WDFY4: variants seen among roughly 807,000 people sequenced by gnomAD.
WDFY4 encodes the protein WD repeat- and FYVE domain-containing protein 4.
WDFY4 carries 169 observed loss-of-function variants against 351.9 expected under a neutral mutation model. The ratio of observed to expected loss-of-function variants is 0.48; its 90% CI spans 0.42 to 0.55. WDFY4 has a LOEUF of 0.55. Ranked by LOEUF, WDFY4 falls within the 20% of genes least tolerant of loss-of-function variation. The probability of loss-of-function intolerance (pLI) is 0.00; values close to 1 mark genes in which losing one functional copy is unlikely to be tolerated. For missense variants in WDFY4, 3,803 were observed against 3,935.6 expected, an observed-to-expected ratio of 0.97 and a Z score of 0.90; for synonymous variants, 1,622 against 1,574.6, an observed-to-expected ratio of 1.03 and a Z score of -0.71.
intron 59 of WDFY4, among the ~76,000 whole-genome samples, chr10:48,977,809 C>T (rs979291311): frequency 2.6e-5 from 4 of 152,240 alleles, no homozygotes; most frequent in Non-Finnish European, 4.4e-5. Context: ...GAGGCTGGTC[C>T]TTGCCCTTTG....
Position 48,776,854 on chromosome 10 carries a change from C to G in WDFY4, c.2968C>G (p.Gln990Glu). 3 of 1,551,774 alleles carry G rather than the reference C, an allele frequency of 1.9e-6. No homozygotes were observed. Among genetic ancestry groups the G allele is most frequent in the Non-Finnish European group, 2.6e-6 (3 of 1,147,012 alleles). ...GGCCCCGCAGCCCTTGGGGGAATCC[C>G]AGGATTCAACTACTGCTCTTCAGAC... ...TQAPQPLGES[Q>E]DSTTALQTAL... Residue 990 changes from glutamine to glutamate, a missense_variant, in exon 16 of 62, where the codon CAG becomes GAG. Physicochemically the swap from Gln to Glu is conservative, Grantham distance 29. Coordinates refer to ENST00000325239, the MANE Select transcript of WDFY4 (RefSeq NM_001394531.1).
At position 48,820,382 on chromosome 10, in the gene WDFY4, T is replaced by G. The variant is rs1485405471; in HGVS notation, c.5654T>G (p.Leu1885Arg). Residue 1885 changes from leucine (L) to arginine (R), a missense_variant, in exon 33 of 62, where the codon CTC becomes CGC. Physicochemically the swap from Leu to Arg is moderately radical, Grantham distance 102 (BLOSUM62 -2). Around this residue, in one of 3 missense-constraint regions of WDFY4, gnomAD observed 3,054 missense variants for 3,148.6 expected, o/e 0.97. Transcript: ENST00000325239. The part of the protein sequence containing the change: ...REFTQLLLRE[L>R]LLGASSPKQW... ...TTCACGCAGCTCCTCTTGAGGGAGC[T>G]CCTGCTTGGAGCCTCCAGCCCCAAG... 1.3e-6 allele frequency: 2 copies of G among 1,551,444 alleles called. No individual in the cohort carries two copies. Among genetic ancestry groups the G allele is most frequent in the Non-Finnish European group, 1.7e-6 (2 of 1,146,982 alleles).
intron 39 of WDFY4, among the ~76,000 whole-genome samples, chr10:48,848,009 T>G (rs766184605): frequency 1.5e-4 from 23 of 152,336 alleles, no homozygotes; most frequent in Non-Finnish European, 2.6e-4. Flanking sequence ...ACTTGACATT[T>G]GTTAAGGATC....
chr10:48,962,625 T>C (rs1841911790), intron 53 of WDFY4, among the ~76,000 whole-genome samples: 1 of 152,220 alleles, frequency 6.6e-6, no homozygotes, highest in Non-Finnish European at 1.5e-5. Flanking sequence ...GCATGAAAGA[T>C]CCAGCATGCT....
chr10:48,977,066 G>A, intron 59 of WDFY4, 87 bp downstream of exon 59: 1 of 1,289,114 alleles, frequency 7.8e-7, no homozygotes, highest in Non-Finnish European at 1.0e-6. Flanking sequence ...GGCCAAACCT[G>A]CAGGTTGCAT....
In WDFY4 at chr10:48,788,624, G is replaced by A. The variant is rs1283389670; in HGVS notation, c.3903G>A (p.Ala1301=). Residue 1301 remains alanine (A), a synonymous_variant, in exon 21 of 62, where the codon GCG becomes GCA. Transcript: ENST00000325239. ...HIASSSITSV[A]DIRNAYNEVD... ...CCAGCTCCTCTATCACCAGTGTAGC[G>A]GACATCAGAAATGCTTACAATGAGG... 15 of 1,551,588 alleles carry A rather than the reference G, an allele frequency of 9.7e-6. No individual in the cohort carries two copies. Among genetic ancestry groups the A allele is most frequent in the East Asian group, 7.3e-5 (3 of 40,942 alleles).
At chr10:48,722,266 T>G (rs952533056) in intron 4 of WDFY4, among the ~76,000 whole-genome samples, 2 of 152,174 alleles carry the variant, frequency 1.3e-5, no homozygotes, top group East Asian at 1.9e-4. Flanking sequence ...CACAGCGACC[T>G]GAAGCACAGC....
In WDFY4 at chr10:48,796,436, C is replaced by A. The variant is rs1262163434; in HGVS notation, c.4396C>A (p.Leu1466Ile). ...CAACACTGGTGTCTTCCAGCACATC[C>A]TCTGCAATTTCGAGGTAAATCAGAG... ...ITNTGVFQHI[L>I]CNFELWMNTA... The change falls in exon 24 of 62, where the codon CTC (leucine) becomes ATC (isoleucine). Residue 1466 changes from leucine to isoleucine, a missense_variant. Leu to Ile is a conservative substitution (Grantham distance 5). This residue lies in a region of WDFY4 where 3,054 missense variants were observed against 3,148.6 expected (regional missense o/e 0.97). Coordinates refer to ENST00000325239, the MANE Select transcript of WDFY4 (RefSeq NM_001394531.1). 6.4e-7 allele frequency: 1 copy of A among 1,551,382 alleles called. No individual in the cohort carries two copies. Among genetic ancestry groups the A allele is most frequent in the Admixed American group, 2.0e-5 (1 of 51,000 alleles).
chr10:48,946,439 T>TC (rs1841047764), intron 50 of WDFY4, among the ~76,000 whole-genome samples: 1 of 152,236 alleles, frequency 6.6e-6, no homozygotes, highest in Admixed American at 6.5e-5. Context: ...AGGTAATGAC[T>TC]CCATGCCTAG....
intron 39 of WDFY4, among the ~76,000 whole-genome samples, chr10:48,842,125 A>G (rs2068627765): frequency 6.6e-6 from 1 of 151,888 alleles, no homozygotes; most frequent in Non-Finnish European, 1.5e-5. Context: ...CAGGCCCCTC[A>G]GTTTTGTGTG....
At chr10:48,967,765 T>C (rs1429711694) in intron 55 of WDFY4, 1 of 152,292 alleles carries the variant, frequency 6.6e-6, no homozygotes. Flanking sequence ...GGACATGCAC[T>C]GCCTTGGGGA....
At chr10:48,824,816 A>G (rs1426474720) in intron 35 of WDFY4, among the ~76,000 whole-genome samples, 1 of 152,004 alleles carries the variant, frequency 6.6e-6, no homozygotes, top group Non-Finnish European at 1.5e-5. Context: ...ATTTTTTTTT[A>G]ACTTTTTGGA....
intron 40 of WDFY4, 134 bp from the exon 41 acceptor site, chr10:48,873,357 G>A: frequency 1.0e-6 from 1 of 990,494 alleles, no homozygotes; most frequent in Non-Finnish European, 1.5e-6. Context: ...TACACATTCT[G>A]AGGGTGTAGA....
In WDFY4 at chr10:48,873,614, G is replaced by A. The variant is rs1423191657; in HGVS notation, c.6865G>A (p.Asp2289Asn). The A allele has an allele frequency of 2.1e-5, 32 of 1,551,660 alleles. 1 individual carries two copies. The highest frequency in any genetic ancestry group is 9.8e-5 in the East Asian group (4 of 40,930). ...ETKPCSPWEL[D>N]WREGPARMRK... Reference sequence around the variant, plus strand: ...CAAGCCCTGTTCCCCATGGGAACTCGACTGGAGAGAAGGACCAGCTCGAAT... The same window carrying A: ...CAAGCCCTGTTCCCCATGGGAACTCAACTGGAGAGAAGGACCAGCTCGAAT... The change falls in exon 41 of 62, where the codon GAC becomes AAC. Residue 2289 changes from aspartate to asparagine, a missense_variant. Coordinates refer to ENST00000325239, the MANE Select transcript of WDFY4 (RefSeq NM_001394531.1).
chr10:48,899,699 T>C (rs3849149), intron 45 of WDFY4, among the ~76,000 whole-genome samples: 19,095 of 152,174 alleles, frequency 0.13, 1,329 homozygotes, highest in Middle Eastern at 0.21. Flanking sequence ...GATAGTTATG[T>C]GAATTTAATT....
At position 48,790,000 on chromosome 10, in the gene WDFY4, G is replaced by T. The variant is rs958239224; in HGVS notation, c.4066+15G>T. On this transcript the variant is annotated intron_variant, in intron 22 of 61. Transcript: ENST00000325239. Reference sequence around the variant, plus strand: ...GGGTCAATTAGGTATGTTCAACTGGGAAGCTTTGCCGCTATTTGGGAAGCA... The same window carrying T: ...GGGTCAATTAGGTATGTTCAACTGGTAAGCTTTGCCGCTATTTGGGAAGCA... The T allele has an allele frequency of 6.4e-7, 1 of 1,551,262 alleles. No individual in the cohort carries two copies. The highest frequency in any genetic ancestry group is 8.7e-7 in the Non-Finnish European group (1 of 1,146,244).
At chr10:48,717,911 T>C (rs1472516775) in intron 2 of WDFY4, among the ~76,000 whole-genome samples, 1 of 152,240 alleles carries the variant, frequency 6.6e-6, no homozygotes, top group African/African-American at 2.4e-5. Flanking sequence ...GGAATATACC[T>C]AGCAATGAAA....
At chr10:48,781,532 G>A (rs927732848) in intron 19 of WDFY4, among the ~76,000 whole-genome samples, 2 of 152,106 alleles carry the variant, frequency 1.3e-5, no homozygotes, top group African/African-American at 2.4e-5. Context: ...CTGACCTCAG[G>A]CGATCCACCT....
intron 20 of WDFY4, among the ~76,000 whole-genome samples, chr10:48,787,956 T>TCTC (rs2066531041): frequency 2.9e-4 from 31 of 108,186 alleles, no homozygotes; most frequent in East Asian, 1.2e-3. Context: ...TTCTTCTTCT[T>TCTC]CTTCTTCTTC....
Sources: gnomAD v4.1 joint callset for allele counts (sites outside exome capture counted in the v4.1 genomes callset) on GRCh38, gnomAD v4.1.1 for gene constraint, gnomAD v4.1.1 regional missense constraint, MANE v1.5 for transcripts, NCBI Gene and HGNC (gene_info 2026-07-23, HGNC 2026-07-21) for gene names.